Variants in DPP6 observed in about 807,000 individuals in gnomAD.
DPP6 encodes the protein dipeptidyl peptidase like 6.
A neutral mutation model predicts 122.6 loss-of-function variants in DPP6; 69 were observed. The observed-to-expected ratio is 0.56, with a 90% CI of 0.46 to 0.69. The LOEUF is 0.69. Among genes scored for constraint, DPP6 ranks in the 30% least tolerant of loss-of-function variants. The pLI is 0.00. For missense variants in DPP6, 928 were observed against 1,116.9 expected, an observed-to-expected ratio of 0.83 and a Z score of 2.41; for synonymous variants, 418 against 433.1, an observed-to-expected ratio of 0.97 and a Z score of 0.43.
rs577866432 is a variant in DPP6, at chr7:154,833,407, C to T, written c.1667-20373C>T. Reference sequence around the variant, plus strand: ...GAGGAAAAGGCAGACAACCCCTCATCGAGAAGGAGCAAGAAGTGACTTCTG... The same window carrying T: ...GAGGAAAAGGCAGACAACCCCTCATTGAGAAGGAGCAAGAAGTGACTTCTG... On this transcript the variant is annotated intron_variant, in intron 16 of 25. Transcript: ENST00000377770. The surrounding 1 kb of genome is among the most constrained non-coding windows in gnomAD (Gnocchi z 4.3). Among the ~76,000 whole-genome samples, 1 of 152,286 alleles carries T rather than the reference C, an allele frequency of 6.6e-6. No individual in the cohort carries two copies. Among genetic ancestry groups the T allele is most frequent in the East Asian group, 1.9e-4 (1 of 5,186 alleles).
chr7:154,862,301 T>C (rs1462415090), intron 17 of DPP6, among the ~76,000 whole-genome samples: 1 of 152,220 alleles, frequency 6.6e-6, no homozygotes, highest in East Asian at 1.9e-4. Flanking sequence ...CTCAGCACAT[T>C]TGCCAGCAGG....
the DPP6 span, among the ~76,000 whole-genome samples, chr7:153,877,272 C>G: frequency 6.6e-6 from 1 of 152,080 alleles, no homozygotes; most frequent in African/African-American, 2.4e-5. Flanking sequence ...TACAATCATA[C>G]AGATATTTTC....
chr7:153,902,074 G>A lies in DPP6; in HGVS notation c.51+14340G>A, dbSNP rs1384822086. The stretch of plus-strand genomic sequence containing the variant: ...AAATCCTCTCCACAAAGGTAGTAGA[G>A]AAAGAGAACACTTTTCTTATTTGAA... On this transcript the variant is annotated intron_variant, in intron 1 of 25. Coordinates refer to the DPP6 transcript ENST00000404039. Among the ~76,000 whole-genome samples the A allele has an allele frequency of 2.0e-5, 3 of 152,212 alleles. No individual in the cohort carries two copies. The East Asian group carries it at 5.8e-4, about 29-fold the overall frequency.
intron 4 of DPP6, among the ~76,000 whole-genome samples, chr7:154,545,362 G>T (rs1157315759): frequency 6.6e-6 from 1 of 151,916 alleles, no homozygotes; most frequent in Non-Finnish European, 1.5e-5. Context: ...GCCAATGGTT[G>T]CCTGGTTCCT....
intron 1 of DPP6, among the ~76,000 whole-genome samples, chr7:154,273,086 T>A (rs578259397): frequency 6.6e-6 from 1 of 152,328 alleles, no homozygotes; most frequent in East Asian, 1.9e-4. Flanking sequence ...TGTAGAAGAA[T>A]TTAATGGATG....
At chr7:154,872,739 TCCGTGACAC>T (rs747498996) in intron 19 of DPP6, 46 bp downstream of exon 19, 7 of 1,564,640 alleles carry the variant, frequency 4.5e-6, no homozygotes, top group Non-Finnish European at 6.1e-6. Context: ...GTTCTGGGGC[TCCGTGACAC>T]CCATGATAAA....
chr7:153,896,754 C>T (rs911182450), intron 1 of DPP6, among the ~76,000 whole-genome samples: 3 of 152,152 alleles, frequency 2.0e-5, no homozygotes, highest in Non-Finnish European at 2.9e-5. Context: ...TTGAGGCTGC[C>T]GTGGGCCAAG....
At chr7:154,826,042 A>G (rs1800120158) in intron 16 of DPP6, among the ~76,000 whole-genome samples, 1 of 152,196 alleles carries the variant, frequency 6.6e-6, no homozygotes, top group Non-Finnish European at 1.5e-5. Context: ...GAAGGGAATT[A>G]CTTCACCCTA....
chr7:154,013,691 A>G (rs1279816552), intron 1 of DPP6, among the ~76,000 whole-genome samples: 3 of 151,922 alleles, frequency 2.0e-5, no homozygotes, highest in Non-Finnish European at 2.9e-5. Context: ...TTTTGAGCCT[A>G]CTTTCTTGTC....
intron 1 of DPP6, among the ~76,000 whole-genome samples, chr7:153,949,337 T>C: frequency 6.6e-6 from 1 of 152,206 alleles, no homozygotes; most frequent in East Asian, 1.9e-4. Context: ...TTAACAGACC[T>C]CACAGAGCCC....
At chr7:153,960,385 C>T (rs1429292772) in intron 1 of DPP6, among the ~76,000 whole-genome samples, 1 of 152,060 alleles carries the variant, frequency 6.6e-6, no homozygotes, top group Non-Finnish European at 1.5e-5. Flanking sequence ...GACAAAAACA[C>T]ATTGGTCACA....
chr7:154,140,808 C>A (rs1795806778), intron 1 of DPP6, among the ~76,000 whole-genome samples: 1 of 152,110 alleles, frequency 6.6e-6, no homozygotes, highest in Non-Finnish European at 1.5e-5. Flanking sequence ...GCCTCAAAAC[C>A]TTTTTGGAAG....
At chr7:154,432,179 AG>A (rs1163342014) in intron 1 of DPP6, among the ~76,000 whole-genome samples, 9 of 152,358 alleles carry the variant, frequency 5.9e-5, no homozygotes, top group Non-Finnish European at 7.4e-5. Flanking sequence ...TATTAAGTAA[AG>A]CTAGTTTTAA....
At chr7:154,780,608 G>A (rs926496752) in intron 10 of DPP6, among the ~76,000 whole-genome samples, 3 of 152,242 alleles carry the variant, frequency 2.0e-5, no homozygotes, top group Non-Finnish European at 4.4e-5. Context: ...CCAAGGCAGA[G>A]TCACTGGGCT....
chr7:153,989,571 G>A (rs71530461), intron 1 of DPP6, among the ~76,000 whole-genome samples: 20,331 of 151,146 alleles, frequency 0.13, 709 homozygotes, highest in Non-Finnish European at 0.2. Context: ...ACGTGTGCGG[G>A]AAGCAGGACC....
intron 1 of DPP6, among the ~76,000 whole-genome samples, chr7:154,354,425 C>T (rs539290320): frequency 6.6e-6 from 1 of 152,352 alleles, no homozygotes; most frequent in South Asian, 2.1e-4. Flanking sequence ...GACAGACACT[C>T]CTCATCCTGA....
intron 4 of DPP6, among the ~76,000 whole-genome samples, chr7:154,544,922 C>A (rs1000098652): frequency 6.6e-6 from 1 of 152,112 alleles, no homozygotes. Flanking sequence ...CGCATGTGGG[C>A]GGCTGCGTGG....
intron 6 of DPP6, among the ~76,000 whole-genome samples, chr7:154,639,742 G>A (rs1207358924): frequency 2.0e-5 from 3 of 152,160 alleles, no homozygotes; most frequent in Admixed American, 6.5e-5. Flanking sequence ...ACCCCAACAC[G>A]GAGGGAGCTG....
At chr7:154,442,691 G>A (rs1819492334) in intron 1 of DPP6, among the ~76,000 whole-genome samples, 1 of 152,136 alleles carries the variant, frequency 6.6e-6, no homozygotes, top group Non-Finnish European at 1.5e-5. Context: ...CAGAAGGCTA[G>A]AGCCCCAGAG....
Sources: gnomAD v4.1 joint callset for allele counts (sites outside exome capture counted in the v4.1 genomes callset) on GRCh38, gnomAD v4.1.1 for gene constraint, Gnocchi (gnomAD v3.1) non-coding constraint, MANE v1.5 for transcripts, NCBI Gene and HGNC (gene_info 2026-07-23, HGNC 2026-07-21) for gene names.